The following ITGA2 variants were observed in gnomAD, a reference collection of about 807,000 sequenced individuals.
The protein encoded by ITGA2 is integrin subunit alpha 2.
ITGA2 carries 101 observed loss-of-function variants against 146.3 expected under a neutral mutation model. The ratio of observed to expected loss-of-function variants is 0.69; its 90% CI spans 0.59 to 0.81. ITGA2 has a LOEUF of 0.81. Among genes scored for constraint, ITGA2 ranks in the 40% least tolerant of loss-of-function variants. The pLI, the probability that ITGA2 is intolerant of heterozygous loss-of-function variation, is 0.00. For missense variants in ITGA2, 1,281 were observed against 1,402.7 expected (o/e 0.91, Z 1.39); for synonymous variants, 477 against 487.1 (o/e 0.98, Z 0.27).
rs1561166582 is a variant in ITGA2 at position 53,093,695 on chromosome 5, A to G, written c.*3096A>G. Reference sequence around the variant, plus strand: ...AAAAGCTATGTGTTCCTATTCAACAATATTTTTGCTTTAAAAGTAAGTAGA... The same window carrying G: ...AAAAGCTATGTGTTCCTATTCAACAGTATTTTTGCTTTAAAAGTAAGTAGA... On this transcript the variant is annotated 3_prime_UTR_variant, in exon 30 of 30. Coordinates refer to ENST00000296585, the MANE Select transcript of ITGA2 (RefSeq NM_002203.4). 6.6e-6 allele frequency: 1 copy of G among 152,296 alleles called. No homozygotes were observed. The highest frequency in any genetic ancestry group is 1.5e-5 in the Non-Finnish European group (1 of 68,042). 9.4% of individuals were successfully genotyped at this position (152,296 alleles called of 1,614,324 possible).
At chr5:53,068,871 GA>G (rs576141306) in intron 16 of ITGA2, among the ~76,000 whole-genome samples, 12 of 147,230 alleles carry the variant, frequency 8.2e-5, no homozygotes, top group Admixed American at 2.7e-4. Context: ...AAAGCTGCTT[GA>G]AAAAAAAAGG....
chr5:53,088,226 T>C (rs1338781219), intron 28 of ITGA2, among the ~76,000 whole-genome samples: 1 of 152,206 alleles, frequency 6.6e-6, no homozygotes, highest in Non-Finnish European at 1.5e-5. Flanking sequence ...GAAACTCTAC[T>C]GAAGACTGTT....
intron 13 of ITGA2, among the ~76,000 whole-genome samples, chr5:53,064,389 T>C (rs1745044200): frequency 6.6e-6 from 1 of 151,988 alleles, no homozygotes; most frequent in African/African-American, 2.4e-5. Flanking sequence ...TTGACCTTGG[T>C]TTATGAGCAG....
chr5:53,048,899 G>T, intron 6 of ITGA2, 129 bp downstream of exon 6: 1 of 1,047,628 alleles, frequency 9.5e-7, no homozygotes. Flanking sequence ...AGTTTTTAAA[G>T]TTAATTGAAA....
Position 53,094,580 on chromosome 5 carries a change from G to A in ITGA2, c.*3981G>A, listed in dbSNP as rs989964270. On this transcript the variant is annotated 3_prime_UTR_variant, in exon 30 of 30. Transcript: ENST00000296585. ...AAACTGTAAAAATAAATGCATGTTT[G>A]TACAAAAAGTTGCAGAATTCATTTG... 4.6e-5 allele frequency: 7 copies of A among 151,984 alleles called. No homozygotes were observed. Among genetic ancestry groups the A allele is most frequent in the African/African-American group, 1.7e-4 (7 of 41,388 alleles). The allele number at this position is 151,984 out of a possible 1,614,324, so 9.4% of individuals were successfully genotyped here. A position where few individuals can be genotyped will look rare whatever the true frequency, so the allele number is the denominator to read the frequency against.
At chr5:53,060,809 A>C in intron 11 of ITGA2, 92 bp from the exon 12 acceptor site, 1 of 1,241,074 alleles carries the variant, frequency 8.1e-7, no homozygotes, top group South Asian at 1.2e-5. Context: ...CATCTAACAC[A>C]AAAGGATCTC....
intron 1 of ITGA2, among the ~76,000 whole-genome samples, chr5:52,991,530 G>T (rs1253601386): frequency 3.9e-5 from 6 of 151,978 alleles, no homozygotes; most frequent in African/African-American, 1.5e-4. Context: ...TCATTATGAT[G>T]ATCTTAAATT....
At chr5:53,021,774 C>T (rs1158881237) in intron 1 of ITGA2, among the ~76,000 whole-genome samples, 1 of 152,152 alleles carries the variant, frequency 6.6e-6, no homozygotes, top group Non-Finnish European at 1.5e-5. Flanking sequence ...CATTGTTCCC[C>T]CTAGAAGTGC....
intron 17 of ITGA2, among the ~76,000 whole-genome samples, chr5:53,070,813 T>C (rs1034808841): frequency 3.3e-5 from 5 of 151,958 alleles, no homozygotes; most frequent in Non-Finnish European, 5.9e-5. Flanking sequence ...CGGAAATTTA[T>C]TTTATAAATG....
At chr5:53,032,524 A>C (rs1743273571) in intron 2 of ITGA2, among the ~76,000 whole-genome samples, 1 of 152,256 alleles carries the variant, frequency 6.6e-6, no homozygotes, top group Non-Finnish European at 1.5e-5. Flanking sequence ...CTGATAATTA[A>C]TAAAGATAGG....
chr5:53,088,042 C>T (rs975207298), intron 28 of ITGA2, among the ~76,000 whole-genome samples: 8 of 152,184 alleles, frequency 5.3e-5, no homozygotes, highest in African/African-American at 1.9e-4. Flanking sequence ...GTTTAGGAGC[C>T]TCAGTGAAAG....
chr5:53,071,522 G>C (rs1745395967), intron 17 of ITGA2, among the ~76,000 whole-genome samples: 1 of 151,864 alleles, frequency 6.6e-6, no homozygotes, highest in South Asian at 2.1e-4. Flanking sequence ...CCTTCTGGGA[G>C]GACTTCTGGG....
chr5:53,068,221 C>A (rs1354119560), intron 16 of ITGA2, among the ~76,000 whole-genome samples: 2 of 151,872 alleles, frequency 1.3e-5, no homozygotes, highest in African/African-American at 2.4e-5. Flanking sequence ...AGATTCAAAT[C>A]TTAACATGCT....
chr5:53,051,102 A>G (rs1744336841), intron 6 of ITGA2, among the ~76,000 whole-genome samples: 1 of 152,226 alleles, frequency 6.6e-6, no homozygotes. Flanking sequence ...ACAGTGTTCT[A>G]ATAGTCATCC....
At chr5:53,079,412 A>T (rs1241367908) in intron 24 of ITGA2, among the ~76,000 whole-genome samples, 1 of 152,136 alleles carries the variant, frequency 6.6e-6, no homozygotes, top group Non-Finnish European at 1.5e-5. Flanking sequence ...TAGTATCTAA[A>T]AATATTTTTG....
chr5:53,032,720 A>G (rs534427709), intron 2 of ITGA2, among the ~76,000 whole-genome samples: 1 of 152,298 alleles, frequency 6.6e-6, no homozygotes, highest in South Asian at 2.1e-4. Flanking sequence ...AGAATTTCCA[A>G]TGTTAGCATC....
chr5:52,995,466 T>G (rs1741191860), intron 1 of ITGA2, among the ~76,000 whole-genome samples: 1 of 151,634 alleles, frequency 6.6e-6, no homozygotes, highest in South Asian at 2.1e-4. Context: ...AGAAGAAGAG[T>G]GAACAGGATT....
At chr5:53,031,085 T>C (rs957033789) in intron 2 of ITGA2, among the ~76,000 whole-genome samples, 20 of 152,242 alleles carry the variant, frequency 1.3e-4, no homozygotes, top group Admixed American at 5.9e-4. Context: ...CAGAATTGCC[T>C]GTTTGTTTTG....
chr5:52,998,088 T>C (rs923228052), intron 1 of ITGA2, among the ~76,000 whole-genome samples: 2 of 152,172 alleles, frequency 1.3e-5, no homozygotes, highest in Non-Finnish European at 2.9e-5. Flanking sequence ...TTTTTGCCCC[T>C]CAAATAATCT....
Sources: allele counts gnomAD v4.1 joint callset (sites outside exome capture counted in the v4.1 genomes callset), GRCh38; gene constraint gnomAD v4.1.1; transcripts MANE v1.5; gene names NCBI Gene and HGNC (gene_info 2026-07-23, HGNC 2026-07-21).